Variants in TCERG1L observed in about 807,000 individuals in gnomAD.
The protein encoded by TCERG1L is transcription elongation regulator 1 like.
Under a neutral mutation model 56.3 loss-of-function variants are expected in TCERG1L, and 37 were observed. The ratio of observed to expected loss-of-function variants is 0.66; its 90% CI spans 0.51 to 0.87. The LOEUF (loss-of-function observed/expected upper bound fraction) is 0.87. Ranked by LOEUF, TCERG1L falls within the 40% of genes least tolerant of loss-of-function variation. The pLI is 0.00. For synonymous variants in TCERG1L, 324 were observed against 326.3 expected (o/e 0.99, Z 0.08); for missense variants, 799 against 774.2 (o/e 1.03, Z -0.38).
intron 3 of TCERG1L, among the ~76,000 whole-genome samples, chr10:131,280,251 A>T (rs538072194): frequency 6.6e-6 from 1 of 151,892 alleles, no homozygotes; most frequent in South Asian, 2.1e-4. Context: ...GGAGGCAATC[A>T]GACATGCACT....
intron 3 of TCERG1L, among the ~76,000 whole-genome samples, chr10:131,300,134 T>C (rs1846744235): frequency 6.6e-6 from 1 of 152,162 alleles, no homozygotes; most frequent in African/African-American, 2.4e-5. Flanking sequence ...CCACTTAGCT[T>C]TCAATAATTG....
chr10:131,289,534 G>GGTGTGTGT (rs9299881), intron 3 of TCERG1L, among the ~76,000 whole-genome samples: 2,154 of 14,970 alleles, frequency 0.14, 786 homozygotes, highest in Middle Eastern at 0.27. Context: ...ATCTCCTATC[G>GGTGTGTGT]GTGTGTATGT....
At chr10:131,198,221 C>T (rs566405774) in intron 4 of TCERG1L, among the ~76,000 whole-genome samples, 31 of 152,278 alleles carry the variant, frequency 2.0e-4, no homozygotes, top group African/African-American at 6.3e-4. Flanking sequence ...TCACTATGTA[C>T]GTGGCATCAT....
chr10:131,280,685 T>C (rs2133562132), intron 3 of TCERG1L, among the ~76,000 whole-genome samples: 2 of 152,094 alleles, frequency 1.3e-5, no homozygotes, highest in East Asian at 3.9e-4. Flanking sequence ...ACACGACTCA[T>C]CTGTGCCTGC....
At chr10:131,236,948 C>T (rs1186487589) in intron 4 of TCERG1L, among the ~76,000 whole-genome samples, 1 of 152,060 alleles carries the variant, frequency 6.6e-6, no homozygotes, top group Non-Finnish European at 1.5e-5. Context: ...CAGAGGGACA[C>T]TTTTAAAGCC....
At chr10:131,231,904 G>T (rs1410012190) in intron 4 of TCERG1L, among the ~76,000 whole-genome samples, 1 of 152,196 alleles carries the variant, frequency 6.6e-6, no homozygotes, top group African/African-American at 2.4e-5. Context: ...AGAGGCTGAG[G>T]GTTCCTGCTG....
In TCERG1L at chr10:131,267,915, C is replaced by T. The variant is rs1005658512; in HGVS notation, c.671-7471G>A. 1.3e-5 allele frequency among the ~76,000 whole-genome samples: 2 copies of T among 152,212 alleles called. No individual in the cohort carries two copies. The highest frequency in any genetic ancestry group is 2.9e-5 in the Non-Finnish European group (2 of 68,026). ...CAAGTTCCCCGGGGGCCCTAGTGCT[C>T]AGGGGTGGTCCAGGGCTCCCCTTTG... On this transcript the variant is annotated intron_variant, in intron 3 of 11. Transcript: ENST00000368642. The surrounding 1 kb of genome is among the most constrained non-coding windows in gnomAD (Gnocchi z 4.9).
chr10:131,217,325 T>C (rs966893575), intron 4 of TCERG1L, among the ~76,000 whole-genome samples: 1 of 152,126 alleles, frequency 6.6e-6, no homozygotes, highest in Non-Finnish European at 1.5e-5. Flanking sequence ...TTTGTCATGA[T>C]TGTAAGTTTC....
intron 10 of TCERG1L, among the ~76,000 whole-genome samples, chr10:131,100,415 TTC>T (rs1308041838): frequency 3.3e-5 from 5 of 152,204 alleles, no homozygotes; most frequent in Non-Finnish European, 5.9e-5. Flanking sequence ...CATCAAATGC[TTC>T]TCTCTTTCCT....
chr10:131,288,191 C>T (rs1252351187), intron 3 of TCERG1L, among the ~76,000 whole-genome samples: 2 of 152,130 alleles, frequency 1.3e-5, no homozygotes, highest in Non-Finnish European at 2.9e-5. Flanking sequence ...TCTGTTCTTA[C>T]ATAACACAAA....
intron 4 of TCERG1L, among the ~76,000 whole-genome samples, chr10:131,249,566 A>G (rs1420189349): frequency 6.6e-6 from 1 of 152,242 alleles, no homozygotes; most frequent in Non-Finnish European, 1.5e-5. Flanking sequence ...GCAGCCCAGT[A>G]GCATGTTTCT....
chr10:131,279,288 G>C (rs1846427783), intron 3 of TCERG1L, among the ~76,000 whole-genome samples: 1 of 152,212 alleles, frequency 6.6e-6, no homozygotes, highest in African/African-American at 2.4e-5. Flanking sequence ...GGAGGAAGGA[G>C]GGAGGGAGGA....
At chr10:131,140,797 G>A (rs1418403602) in intron 7 of TCERG1L, among the ~76,000 whole-genome samples, 3 of 152,188 alleles carry the variant, frequency 2.0e-5, no homozygotes, top group African/African-American at 7.2e-5. Flanking sequence ...GAGAGGGCAA[G>A]GCACATGACT....
At position 131,267,294 on chromosome 10, in the gene TCERG1L, C is replaced by A. The variant is rs1259947726; in HGVS notation, c.671-6850G>T. Among the ~76,000 whole-genome samples, 1 of 152,172 alleles carries A rather than the reference C, an allele frequency of 6.6e-6. No homozygotes were observed. The highest frequency in any genetic ancestry group is 1.5e-5 in the Non-Finnish European group (1 of 68,024). On this transcript the variant is annotated intron_variant, in intron 3 of 11. Transcript: ENST00000368642. This position sits in a 1 kb window ranked among gnomAD's most constrained non-coding sequence, Gnocchi z 4.9. ...ACACCTGGCTGGACTGCAACAGCAC[C>A]CAGGCTTGGCCCCAACCCTACTCTA...
intron 9 of TCERG1L, among the ~76,000 whole-genome samples, chr10:131,108,233 C>T (rs181299777): frequency 6.8e-4 from 103 of 152,274 alleles, no homozygotes; most frequent in African/African-American, 2.3e-3. Context: ...TGGGCCCCAC[C>T]CCAGAAATAA....
intron 11 of TCERG1L, chr10:131,095,456 C>T (rs1017828409): frequency 1.3e-5 from 2 of 152,234 alleles, no homozygotes; most frequent in Non-Finnish European, 2.9e-5. Flanking sequence ...GCTACACAGC[C>T]TCAGGAGGCT....
At chr10:131,285,727 T>G (rs1846532646) in intron 3 of TCERG1L, among the ~76,000 whole-genome samples, 2 of 152,138 alleles carry the variant, frequency 1.3e-5, no homozygotes, top group African/African-American at 4.8e-5. Flanking sequence ...TGTAAGTGAT[T>G]TAACATTATA....
chr10:131,093,450 GGT>G (rs1845203552), intron 11 of TCERG1L, 132 bp from the exon 12 acceptor site: 1 of 1,081,600 alleles, frequency 9.2e-7, no homozygotes, highest in African/African-American at 1.6e-5. Flanking sequence ...CAGGGCACCC[GGT>G]GGGTGAGCGG....
At chr10:131,211,363 G>A (rs1251536643) in intron 4 of TCERG1L, among the ~76,000 whole-genome samples, 6 of 152,240 alleles carry the variant, frequency 3.9e-5, no homozygotes, top group Admixed American at 6.5e-5. Context: ...CCCTGAGCAC[G>A]GGGCTCTGAC....
Sources: gnomAD v4.1 joint callset for allele counts (sites outside exome capture counted in the v4.1 genomes callset) on GRCh38, gnomAD v4.1.1 for gene constraint, Gnocchi (gnomAD v3.1) non-coding constraint, MANE v1.5 for transcripts, NCBI Gene and HGNC (gene_info 2026-07-23, HGNC 2026-07-21) for gene names.